RYR3: variants seen among roughly 807,000 people sequenced by gnomAD.
RYR3 encodes ryanodine receptor 3, also known as brain ryanodine receptor-calcium release channel.
Under a neutral mutation model 584.3 loss-of-function variants are expected in RYR3, and 207 were observed. The observed-to-expected ratio is 0.35, with a 90% CI of 0.32 to 0.40. RYR3 has a LOEUF of 0.40. RYR3 is among the 10% of genes least tolerant of loss of function. The probability of loss-of-function intolerance (pLI) is 1.00; values close to 1 mark genes in which losing one functional copy is unlikely to be tolerated. For missense variants in RYR3, 5,616 were observed against 6,089.2 expected, an observed-to-expected ratio of 0.92 and a Z score of 2.59; for synonymous variants, 2,416 against 2,248.5, an observed-to-expected ratio of 1.07 and a Z score of -2.11.
intron 39 of RYR3, among the ~76,000 whole-genome samples, chr15:33,697,049 G>A (rs976048081): frequency 6.6e-6 from 1 of 152,162 alleles, no homozygotes; most frequent in Non-Finnish European, 1.5e-5. Context: ...CTGTTTTGCA[G>A]ATGAGAACAC....
chr15:33,800,974 A>G, intron 68 of RYR3, 117 bp downstream of exon 68: 2 of 759,462 alleles, frequency 2.6e-6, no homozygotes, highest in Non-Finnish European at 2.3e-6. Flanking sequence ...TCTGAGCCAC[A>G]TGTGAGGACC....
intron 8 of RYR3, among the ~76,000 whole-genome samples, chr15:33,545,706 C>T (rs2056186736): frequency 6.6e-6 from 1 of 152,010 alleles, no homozygotes; most frequent in Admixed American, 6.6e-5. Flanking sequence ...TCAGGTAAAC[C>T]CTCAGAAATG....
chr15:33,693,036 A>G (rs2065557152), intron 38 of RYR3, among the ~76,000 whole-genome samples: 1 of 152,210 alleles, frequency 6.6e-6, no homozygotes, highest in African/African-American at 2.4e-5. Flanking sequence ...CTGGGATAGC[A>G]TGTATTATAT....
chr15:33,547,104 C>T (rs1340832824), intron 8 of RYR3, among the ~76,000 whole-genome samples: 4 of 152,094 alleles, frequency 2.6e-5, no homozygotes, highest in African/African-American at 9.7e-5. Context: ...CAACCTGCCC[C>T]GATCACAGGT....
rs1432536910 is a variant in RYR3, at chr15:33,663,674, G to C, written c.5556G>C (p.Leu1852=). The C allele has an allele frequency of 6.2e-7, 1 of 1,612,474 alleles. No individual in the cohort carries two copies. Among genetic ancestry groups the C allele is most frequent in the Non-Finnish European group, 8.5e-7 (1 of 1,179,510 alleles). ...GCTACAATGAGCTCATGCAGGCCCT[G>C]AACATGTCTGCGGCCCTGACTGCCC... is the stretch of plus-strand genomic sequence containing the variant. ...KFRYNELMQA[L]NMSAALTARK... Residue 1852 remains leucine, a synonymous_variant, in exon 36 of 104, where the codon CTG becomes CTC. Transcript: ENST00000634891.
intron 38 of RYR3, among the ~76,000 whole-genome samples, chr15:33,688,119 A>G (rs1328634384): frequency 1.3e-5 from 2 of 152,246 alleles, no homozygotes; most frequent in Admixed American, 1.3e-4. Flanking sequence ...CATCAGAGTG[A>G]ACAGGCAACC....
chr15:33,863,873 G>A (rs1390389641), intron 102 of RYR3, among the ~76,000 whole-genome samples: 1 of 152,174 alleles, frequency 6.6e-6, no homozygotes, highest in East Asian at 1.9e-4. Flanking sequence ...TGGCCAAAAT[G>A]CTACCTTGCA....
chr15:33,424,208 T>G (rs1269761479), intron 1 of RYR3, among the ~76,000 whole-genome samples: 1 of 152,174 alleles, frequency 6.6e-6, no homozygotes, highest in Non-Finnish European at 1.5e-5. Context: ...CCATGACACT[T>G]CAGACAAGTC....
chr15:33,505,122 C>T (rs1048091348), intron 3 of RYR3, among the ~76,000 whole-genome samples: 5 of 152,178 alleles, frequency 3.3e-5, no homozygotes, highest in African/African-American at 9.7e-5. Context: ...GTACATAATA[C>T]GGACATGTCT....
chr15:33,711,234 C>CTTTT (rs1567000991), intron 43 of RYR3, among the ~76,000 whole-genome samples: 1 of 84,674 alleles, frequency 1.2e-5, no homozygotes, highest in African/African-American at 4.4e-5. Flanking sequence ...TTCTTTCTTT[C>CTTTT]ATTTTTTTTT....
chr15:33,526,671 A>G (rs1482356952), intron 3 of RYR3, among the ~76,000 whole-genome samples: 1 of 151,800 alleles, frequency 6.6e-6, no homozygotes, highest in Non-Finnish European at 1.5e-5. Context: ...GTAAGATGAA[A>G]CCAAAACACC....
chr15:33,838,165 A>G lies in RYR3; in HGVS notation c.12185A>G (p.Lys4062Arg). The change falls in exon 89 of 104, where the codon AAG becomes AGG. Residue 4062 changes from lysine (K) to arginine (R), a missense_variant. Physicochemically the swap from Lys to Arg is conservative, Grantham distance 26. This residue lies in a region of RYR3 where 258 missense variants were observed against 297.3 expected (regional missense o/e 0.87). Transcript: ENST00000634891. ...SRTQWEKPQV[K>R]ESKRQFIFDV... ...ACTCAGTGGGAGAAGCCCCAGGTGA[A>G]GGAATCTAAGCGACAGTTCATTTTT... is the stretch of plus-strand genomic sequence containing the variant. 1 of 1,613,982 alleles carries G rather than the reference A, an allele frequency of 6.2e-7. No homozygotes were observed. Among genetic ancestry groups the G allele is most frequent in the Non-Finnish European group, 8.5e-7 (1 of 1,179,888 alleles).
intron 3 of RYR3, among the ~76,000 whole-genome samples, chr15:33,508,501 T>C (rs577679565): frequency 6.6e-6 from 1 of 152,090 alleles, no homozygotes; most frequent in South Asian, 2.1e-4. Flanking sequence ...TACAAAAAAA[T>C]TAGCCGGGCA....
At chr15:33,829,451 A>G (rs796997796) in intron 85 of RYR3, among the ~76,000 whole-genome samples, 41 of 152,324 alleles carry the variant, frequency 2.7e-4, no homozygotes, top group African/African-American at 9.4e-4. Context: ...TGTAGATGTC[A>G]TTAAAAAACA....
chr15:33,509,386 A>C (rs2052765719), intron 3 of RYR3, among the ~76,000 whole-genome samples: 1 of 152,196 alleles, frequency 6.6e-6, no homozygotes, highest in Non-Finnish European at 1.5e-5. Flanking sequence ...CACCATCCAG[A>C]TTTAGCATCT....
intron 1 of RYR3, among the ~76,000 whole-genome samples, chr15:33,460,179 G>A (rs551360024): frequency 3.9e-5 from 6 of 152,352 alleles, no homozygotes; most frequent in African/African-American, 1.2e-4. Flanking sequence ...AGAGAGAATG[G>A]CCCCTGGGCT....
At chr15:33,563,143 TG>T (rs2057504373) in intron 11 of RYR3, 133 bp downstream of exon 11, 2 of 783,222 alleles carry the variant, frequency 2.6e-6, no homozygotes, top group Admixed American at 2.9e-5. Flanking sequence ...TATTTTGTGA[TG>T]GATTGTACAC....
chr15:33,777,751 CA>C (rs1224373153), intron 64 of RYR3, among the ~76,000 whole-genome samples: 1 of 148,580 alleles, frequency 6.7e-6, no homozygotes. Context: ...AATCCACTTT[CA>C]GGAGATCATG....
At chr15:33,483,395 A>G (rs962497029) in intron 2 of RYR3, among the ~76,000 whole-genome samples, 8 of 152,098 alleles carry the variant, frequency 5.3e-5, no homozygotes, top group Admixed American at 4.6e-4. Context: ...AACATTGTAG[A>G]TGATATTTTA....
Sources: allele counts gnomAD v4.1 joint callset (sites outside exome capture counted in the v4.1 genomes callset), GRCh38; gene constraint gnomAD v4.1.1; regional missense constraint gnomAD v4.1.1; transcripts MANE v1.5; gene names NCBI Gene and HGNC (gene_info 2026-07-23, HGNC 2026-07-21).